ETV6: variants seen among roughly 807,000 people sequenced by gnomAD.
The protein encoded by ETV6 is transcription factor ETV6.
ETV6 carries 16 observed loss-of-function variants against 51.1 expected under a neutral mutation model. The ratio of observed to expected loss-of-function variants is 0.31; its 90% CI spans 0.21 to 0.48. ETV6 has a LOEUF of 0.48. Among genes scored for constraint, ETV6 ranks in the 20% least tolerant of loss-of-function variants. The pLI, the probability that ETV6 is intolerant of heterozygous loss-of-function variation, is 0.99. For synonymous variants in ETV6, 240 were observed against 224.1 expected (o/e 1.07, Z -0.64); for missense variants, 458 against 594.8 (o/e 0.77, Z 2.39).
intron 3 of ETV6, among the ~76,000 whole-genome samples, chr12:11,853,168 C>T (rs1449261166): frequency 1.3e-5 from 2 of 152,298 alleles, no homozygotes; most frequent in African/African-American, 4.8e-5. Context: ...GCACTGGCAA[C>T]GGAGCGCAAC....
chr12:11,749,336 CA>C (rs1865974364), intron 1 of ETV6, among the ~76,000 whole-genome samples: 2 of 114,254 alleles, frequency 1.8e-5, no homozygotes, highest in African/African-American at 5.7e-5. Flanking sequence ...CACACACACA[CA>C]CACACACACA....
At chr12:11,721,028 A>C (rs186719574) in intron 1 of ETV6, among the ~76,000 whole-genome samples, 316 of 152,342 alleles carry the variant, frequency 2.1e-3, no homozygotes, top group African/African-American at 7.4e-3. Flanking sequence ...ATACTGTCTC[A>C]CACCAGTCAG....
At chr12:11,722,696 A>G (rs1865411902) in intron 1 of ETV6, among the ~76,000 whole-genome samples, 1 of 152,246 alleles carries the variant, frequency 6.6e-6, no homozygotes, top group East Asian at 1.9e-4. Flanking sequence ...GTTGTAGGCC[A>G]GGCCCTAAAC....
chr12:11,752,099 T>C (rs1866041380), intron 1 of ETV6, among the ~76,000 whole-genome samples: 1 of 152,244 alleles, frequency 6.6e-6, no homozygotes, highest in African/African-American at 2.4e-5. Flanking sequence ...GGGCAAGTCA[T>C]TTTTTAAAAA....
chr12:11,764,735 G>A (rs1945139772), intron 2 of ETV6, among the ~76,000 whole-genome samples: 1 of 152,190 alleles, frequency 6.6e-6, no homozygotes, highest in Non-Finnish European at 1.5e-5. Flanking sequence ...GGGAGGAGGT[G>A]TGCAGAATTT....
intron 1 of ETV6, among the ~76,000 whole-genome samples, chr12:11,729,499 T>C (rs545327105): frequency 3.3e-5 from 5 of 152,262 alleles, no homozygotes; most frequent in Non-Finnish European, 7.4e-5. Context: ...AGAGGGTTGC[T>C]CCCTAAGTCA....
intron 2 of ETV6, among the ~76,000 whole-genome samples, chr12:11,788,771 T>C (rs967479618): frequency 6.6e-6 from 1 of 151,668 alleles, no homozygotes; most frequent in Non-Finnish European, 1.5e-5. Flanking sequence ...TTTTTTTTTT[T>C]TTCATTTCTA....
intron 2 of ETV6, among the ~76,000 whole-genome samples, chr12:11,827,467 T>G (rs2723836): frequency 0.57 from 86,662 of 151,838 alleles, 25,497 homozygotes; most frequent in African/African-American, 0.71. Context: ...TGCCTTTGGG[T>G]CCCTATGTGT....
intron 4 of ETV6, among the ~76,000 whole-genome samples, chr12:11,863,730 T>G (rs781020885): frequency 2.6e-5 from 4 of 152,242 alleles, no homozygotes; most frequent in Admixed American, 1.3e-4. Context: ...TGTCCGGAGC[T>G]TCTCTGCCTG....
intron 1 of ETV6, among the ~76,000 whole-genome samples, chr12:11,659,764 T>G (rs998393930): frequency 7.9e-5 from 12 of 152,190 alleles, no homozygotes; most frequent in Non-Finnish European, 1.5e-4. Context: ...CCCCAGTACT[T>G]TCTCTTGTTT....
intron 1 of ETV6, among the ~76,000 whole-genome samples, chr12:11,742,264 C>CG (rs1865824169): frequency 6.6e-6 from 1 of 152,126 alleles, no homozygotes; most frequent in African/African-American, 2.4e-5. Context: ...ATGCTGGTGG[C>CG]ATTTGCAGGG....
chr12:11,707,531 TC>T (rs1463229258), intron 1 of ETV6, among the ~76,000 whole-genome samples: 1 of 152,220 alleles, frequency 6.6e-6, no homozygotes, highest in Non-Finnish European at 1.5e-5. Flanking sequence ...GGCGTTTTTT[TC>T]TAAATGTGAG....
chr12:11,746,911 T>C (rs1865920189), intron 1 of ETV6, among the ~76,000 whole-genome samples: 1 of 151,962 alleles, frequency 6.6e-6, no homozygotes. Context: ...TATACTGCCT[T>C]CTGATTTTAG....
rs1947308549 is a variant in ETV6 at position 11,892,367 on chromosome 12, A to ATTAT, written c.*1324_*1327dup. ...GGCAGACAGGAAATTCCTCGGATAC[A>ATTAT]TTATTTTTTCTTTCTTTCATAGCTG... On this transcript the variant is annotated 3_prime_UTR_variant, in exon 8 of 8. Transcript: ENST00000396373. 3 of 232,896 alleles carry ATTAT rather than the reference A, an allele frequency of 1.3e-5. No individual in the cohort carries two copies. The East Asian group carries it at 1.8e-4, about 14-fold the overall frequency. 14.4% of individuals were successfully genotyped at this position (232,896 alleles called of 1,614,324 possible).
intron 1 of ETV6, among the ~76,000 whole-genome samples, chr12:11,693,410 A>G (rs986643195): frequency 5.3e-5 from 8 of 152,176 alleles, no homozygotes; most frequent in East Asian, 1.9e-4. Flanking sequence ...GTCTCCCACA[A>G]TAGTCATCTG....
At chr12:11,719,671 G>A (rs989634255) in intron 1 of ETV6, among the ~76,000 whole-genome samples, 7 of 152,200 alleles carry the variant, frequency 4.6e-5, no homozygotes, top group Non-Finnish European at 1.0e-4. Flanking sequence ...GCGTCTTTTG[G>A]GGGTGCTAGG....
At chr12:11,716,103 G>A (rs1004638904) in intron 1 of ETV6, among the ~76,000 whole-genome samples, 3 of 152,064 alleles carry the variant, frequency 2.0e-5, no homozygotes, top group African/African-American at 7.2e-5. Context: ...GCTGACGCCT[G>A]TAATCCCAAC....
chr12:11,846,998 G>A (rs575731942), intron 3 of ETV6, among the ~76,000 whole-genome samples: 2 of 152,198 alleles, frequency 1.3e-5, no homozygotes, highest in South Asian at 2.1e-4. Flanking sequence ...TCAGCCTCCC[G>A]AGTAGCTGGG....
intron 1 of ETV6, among the ~76,000 whole-genome samples, chr12:11,711,520 C>G (rs1178430758): frequency 1.3e-5 from 2 of 152,240 alleles, no homozygotes; most frequent in African/African-American, 4.8e-5. Context: ...CTCCTGCACT[C>G]TCACATAGAT....
Sources: allele counts gnomAD v4.1 joint callset (sites outside exome capture counted in the v4.1 genomes callset), GRCh38; gene constraint gnomAD v4.1.1; transcripts MANE v1.5; gene names NCBI Gene and HGNC (gene_info 2026-07-23, HGNC 2026-07-21).